The following OTULIN variants were observed in gnomAD, a reference collection of about 807,000 sequenced individuals.
The protein encoded by OTULIN is ubiquitin thioesterase otulin.
OTULIN carries 15 observed loss-of-function variants against 39.6 expected under a neutral mutation model. The observed-to-expected ratio is 0.38, with a 90% CI of 0.25 to 0.58. The LOEUF (loss-of-function observed/expected upper bound fraction) is 0.58. OTULIN is among the 20% of genes least tolerant of loss of function. The pLI is 0.66. For missense variants in OTULIN, 319 were observed against 445.9 expected (o/e 0.72, Z 2.56); for synonymous variants, 156 against 170.3 (o/e 0.92, Z 0.65).
rs966535441 is a variant in OTULIN at position 14,695,227 on chromosome 5, G to C, written c.*2179G>C. The C allele has an allele frequency of 2.6e-5, 4 of 152,178 alleles. No homozygotes were observed. Among genetic ancestry groups the C allele is most frequent in the African/African-American group, 9.7e-5 (4 of 41,450 alleles). The allele number at this position is 152,178 out of a possible 1,614,324, so 9.4% of individuals were successfully genotyped here. ...GAGAAGCAAAGCTTTCAAATAAATAGTACTTCAGGAAATAGAAATGATTGA... is the reference window on the plus strand; with the variant it reads ...GAGAAGCAAAGCTTTCAAATAAATACTACTTCAGGAAATAGAAATGATTGA... On this transcript the variant is annotated 3_prime_UTR_variant, in exon 7 of 7. Transcript: ENST00000284274.
chr5:14,695,456 G>A lies in OTULIN; in HGVS notation c.*2408G>A, dbSNP rs1271336431. ...AGGTGTTCTAGAAGAAAGGAATGTA[G>A]TAGGAACTATACTATGCCTAACTTT... is the stretch of plus-strand genomic sequence containing the variant. On this transcript the variant is annotated 3_prime_UTR_variant, in exon 7 of 7. Transcript: ENST00000284274. The A allele has an allele frequency of 6.6e-6, 1 of 152,208 alleles. No homozygotes were observed. The allele number at this position is 152,208 out of a possible 1,614,324, so 9.4% of individuals were successfully genotyped here.
rs1158386660 is a variant in OTULIN at position 14,696,709 on chromosome 5, G to A, written c.*3661G>A. ...TCTGAATGAATGGAAGGCCTTACGT[G>A]TATACAGTTTACAAATTCCTATTTC... On this transcript the variant is annotated 3_prime_UTR_variant, in exon 7 of 7. Coordinates refer to ENST00000284274, the MANE Select transcript of OTULIN (RefSeq NM_138348.6). 2.6e-5 allele frequency: 4 copies of A among 151,884 alleles called. No homozygotes were observed. Among genetic ancestry groups the A allele is most frequent in the East Asian group, 1.9e-4 (1 of 5,204 alleles). The allele number at this position is 151,884 out of a possible 1,614,324, so 9.4% of individuals were successfully genotyped here.
At chr5:14,705,805 A>G in the OTULIN span, 1 of 152,578 alleles carries the variant, frequency 6.6e-6, no homozygotes, top group Non-Finnish European at 1.5e-5. Flanking sequence ...CTCCTTTGTT[A>G]CGCAAGGGTG....
the OTULIN span, among the ~76,000 whole-genome samples, chr5:14,712,199 G>A: frequency 1.3e-5 from 2 of 152,236 alleles, no homozygotes; most frequent in Non-Finnish European, 2.9e-5. Context: ...GACAGCCAGT[G>A]TCCTGAGATG....
At chr5:14,676,973 T>C (rs1400970441) in intron 2 of OTULIN, among the ~76,000 whole-genome samples, 1 of 152,228 alleles carries the variant, frequency 6.6e-6, no homozygotes, top group Non-Finnish European at 1.5e-5. Context: ...AGGAGTCTGC[T>C]TCACTTTTAA....
At chr5:14,667,117 G>T (rs191989534) in intron 1 of OTULIN, among the ~76,000 whole-genome samples, 1 of 152,326 alleles carries the variant, frequency 6.6e-6, no homozygotes, top group East Asian at 1.9e-4. Flanking sequence ...GACTGTAGAA[G>T]TTTTGAGATA....
intron 4 of OTULIN, among the ~76,000 whole-genome samples, chr5:14,683,637 CTATAT>C (rs1329196144): frequency 6.6e-6 from 1 of 152,188 alleles, no homozygotes; most frequent in African/African-American, 2.4e-5. Context: ...GCAACTGTGG[CTATAT>C]TATATTAATC....
chr5:14,665,090 G>C (rs1486933897), intron 1 of OTULIN, 113 bp downstream of exon 1: 6 of 852,960 alleles, frequency 7.0e-6, no homozygotes. Flanking sequence ...CTTCAATTCT[G>C]AGTGAGGCCG....
intron 1 of OTULIN, 143 bp downstream of exon 1, chr5:14,665,120 G>A: frequency 1.7e-5 from 12 of 714,158 alleles, no homozygotes; most frequent in Non-Finnish European, 2.1e-5. Flanking sequence ...AGGAGGAATT[G>A]GCAGACAGTT....
chr5:14,691,670 T>TA (rs1309450382), intron 6 of OTULIN, among the ~76,000 whole-genome samples: 1 of 152,266 alleles, frequency 6.6e-6, no homozygotes, highest in East Asian at 1.9e-4. Flanking sequence ...TTCACTCTTT[T>TA]AAAGTTTTGC....
intron 6 of OTULIN, 91 bp from the exon 7 acceptor site, chr5:14,692,763 T>C: frequency 9.0e-7 from 1 of 1,114,392 alleles, no homozygotes; most frequent in Non-Finnish European, 1.3e-6. Flanking sequence ...TCACCATTGC[T>C]GTGCACTGTG....
intron 3 of OTULIN, among the ~76,000 whole-genome samples, chr5:14,679,087 C>G (rs1043626854): frequency 6.6e-6 from 1 of 152,262 alleles, no homozygotes; most frequent in Non-Finnish European, 1.5e-5. Context: ...CCTTTTTGGT[C>G]TGGTGTTATA....
chr5:14,677,393 A>G (rs1000002826), intron 2 of OTULIN, among the ~76,000 whole-genome samples: 10 of 152,232 alleles, frequency 6.6e-5, no homozygotes, highest in African/African-American at 2.4e-4. Flanking sequence ...TTTATGTACA[A>G]CTTGCTCAGG....
chr5:14,691,238 T>TA (rs1267283874), intron 6 of OTULIN, among the ~76,000 whole-genome samples: 2 of 152,206 alleles, frequency 1.3e-5, no homozygotes, highest in African/African-American at 4.8e-5. Context: ...CCCTCCTACT[T>TA]ACATAATTGA....
chr5:14,707,253 A>T, the OTULIN span: 1 of 147,514 alleles, frequency 6.8e-6, no homozygotes, highest in Admixed American at 6.8e-5. Flanking sequence ...AATACTTGCT[A>T]TTTTGTGGAA....
chr5:14,709,733 A>T, the OTULIN span: 2 of 152,664 alleles, frequency 1.3e-5, no homozygotes. Flanking sequence ...CGGACTTTAT[A>T]AAACTGCTGC....
At chr5:14,673,175 T>G (rs1736020242) in intron 1 of OTULIN, among the ~76,000 whole-genome samples, 1 of 152,198 alleles carries the variant, frequency 6.6e-6, no homozygotes. Flanking sequence ...GGTCTCTTCT[T>G]GTTTTTAAGG....
chr5:14,670,771 A>AT lies in OTULIN; in HGVS notation c.153-2856dup, dbSNP rs56834326. The stretch of plus-strand genomic sequence containing the variant: ...AGGTGAGTGCCAGCATGTCCAATTA[A>AT]TTTTTTTTTTTTTTTGTAGAGGCGG... On this transcript the variant is annotated intron_variant, in intron 1 of 6. Coordinates refer to ENST00000284274, the MANE Select transcript of OTULIN (RefSeq NM_138348.6). Among the ~76,000 whole-genome samples the AT allele has an allele frequency of 7.7e-3, 1,100 of 142,600 alleles. 6 individuals are homozygous for AT. The highest frequency in any genetic ancestry group is 0.021 in the African/African-American group (803 of 38,968). The allele number at this position is 142,600 out of a possible 152,430, so 93.6% of individuals were successfully genotyped here. A position where few individuals can be genotyped will look rare whatever the true frequency, so the allele number is the denominator to read the frequency against.
chr5:14,702,633 C>T (rs116242622), downstream of OTULIN, among the ~76,000 whole-genome samples: 200 of 152,214 alleles, frequency 1.3e-3, no homozygotes, highest in South Asian at 3.5e-3. Context: ...TCAGACCACA[C>T]GTGAATTGCA....
Sources: gnomAD v4.1 joint callset for allele counts (sites outside exome capture counted in the v4.1 genomes callset) on GRCh38, gnomAD v4.1.1 for gene constraint, MANE v1.5 for transcripts, NCBI Gene and HGNC (gene_info 2026-07-23, HGNC 2026-07-21) for gene names.